FAT3: variants seen among roughly 807,000 people sequenced by gnomAD.
The protein encoded by FAT3 is FAT atypical cadherin 3, also known as protocadherin Fat 3.
Under a neutral mutation model 310.2 loss-of-function variants are expected in FAT3, and 95 were observed. The ratio of observed to expected loss-of-function variants is 0.31; its 90% CI spans 0.26 to 0.36. The LOEUF is 0.36. FAT3 is among the 10% of genes least tolerant of loss of function. The pLI is 1.00. For missense variants in FAT3, 5,408 were observed against 5,715.6 expected, an observed-to-expected ratio of 0.95 and a Z score of 1.74; for synonymous variants, 2,314 against 2,192.9, an observed-to-expected ratio of 1.06 and a Z score of -1.54.
At chr11:92,286,121 C>T (rs1346227581) in intron 1 of FAT3, among the ~76,000 whole-genome samples, 2 of 152,144 alleles carry the variant, frequency 1.3e-5, no homozygotes, top group Non-Finnish European at 2.9e-5. Flanking sequence ...GATCAGAAGA[C>T]AGTTCCTAAT....
At chr11:92,572,658 G>A (rs1337498819) in intron 3 of FAT3, among the ~76,000 whole-genome samples, 1 of 152,190 alleles carries the variant, frequency 6.6e-6, no homozygotes, top group Non-Finnish European at 1.5e-5. Flanking sequence ...TAAAATGACT[G>A]TGTACATTGA....
intron 4 of FAT3, among the ~76,000 whole-genome samples, chr11:92,710,881 G>A (rs187423642): frequency 6.6e-6 from 1 of 152,222 alleles, no homozygotes; most frequent in East Asian, 1.9e-4. Context: ...TACACACCTA[G>A]GTGAAAGGGA....
rs1400619342 is a variant in FAT3 at position 92,350,039 on chromosome 11, AG to A, written c.-17-2056del. Among the ~76,000 whole-genome samples the A allele has an allele frequency of 2.0e-5, 3 of 151,818 alleles. No individual in the cohort carries two copies. In the East Asian group the frequency reaches 5.8e-4, roughly 29 times the overall value. ...GGAGAGAGCCTGAGCTCTAATCTAG[AG>A]TCTGCTAGACTCTATCAATGACTAT... is the stretch of plus-strand genomic sequence containing the variant. On this transcript the variant is annotated intron_variant, in intron 1 of 27. Coordinates refer to ENST00000525166, the MANE Select transcript of FAT3 (RefSeq NM_001367949.2).
intron 3 of FAT3, among the ~76,000 whole-genome samples, chr11:92,555,961 C>T (rs550506144): frequency 6.0e-4 from 91 of 152,266 alleles, no homozygotes; most frequent in Middle Eastern, 3.4e-3. Flanking sequence ...TTAACAGCCT[C>T]GGTCTGCTCG....
At chr11:92,826,519 G>A (rs1173892621) in intron 13 of FAT3, among the ~76,000 whole-genome samples, 1 of 152,160 alleles carries the variant, frequency 6.6e-6, no homozygotes, top group Non-Finnish European at 1.5e-5. Context: ...TCTTGATGAG[G>A]GCAGTGGATC....
At chr11:92,570,168 G>A (rs138085247) in intron 3 of FAT3, among the ~76,000 whole-genome samples, 1 of 152,132 alleles carries the variant, frequency 6.6e-6, no homozygotes, top group African/African-American at 2.4e-5. Context: ...AACTATAATT[G>A]ATTTAAGTTG....
intron 3 of FAT3, among the ~76,000 whole-genome samples, chr11:92,577,895 G>A (rs535483744): frequency 1.3e-5 from 2 of 152,118 alleles, no homozygotes; most frequent in African/African-American, 4.8e-5. Flanking sequence ...AAAAAAGGGA[G>A]AGAGAGATTG....
intron 3 of FAT3, among the ~76,000 whole-genome samples, chr11:92,609,495 T>G (rs1279220093): frequency 6.6e-6 from 1 of 152,216 alleles, no homozygotes; most frequent in Non-Finnish European, 1.5e-5. Context: ...AATTTGAATT[T>G]GGATTCAGTT....
intron 1 of FAT3, among the ~76,000 whole-genome samples, chr11:92,230,296 GTTAT>G (rs952479589): frequency 6.6e-6 from 1 of 151,568 alleles, no homozygotes. Context: ...TTTTATTTTT[GTTAT>G]TTATTTATTT....
Position 92,757,098 on chromosome 11 carries a change from A to G in FAT3, c.3670-4758A>G, listed in dbSNP as rs1018082943. Among the ~76,000 whole-genome samples, 8 of 151,500 alleles carry G rather than the reference A, an allele frequency of 5.3e-5. No homozygotes were observed. In the East Asian group the frequency reaches 1.4e-3, roughly 26 times the overall value. On this transcript the variant is annotated intron_variant, in intron 4 of 27. Coordinates refer to ENST00000525166, the MANE Select transcript of FAT3 (RefSeq NM_001367949.2). Reference sequence around the variant, plus strand: ...TGCCACCATGCCCAGCTAATTTTGCACTTTTAGTAGAGACAGGGTTTCTCC... The same window carrying G: ...TGCCACCATGCCCAGCTAATTTTGCGCTTTTAGTAGAGACAGGGTTTCTCC...
intron 2 of FAT3, among the ~76,000 whole-genome samples, chr11:92,471,921 A>C (rs1286550828): frequency 1.2e-4 from 1 of 8,624 alleles, no homozygotes; most frequent in Non-Finnish European, 4.0e-4. Flanking sequence ...TATGCTATAT[A>C]TATATATATA....
At chr11:92,616,334 C>G (rs889094882) in intron 3 of FAT3, among the ~76,000 whole-genome samples, 8 of 151,220 alleles carry the variant, frequency 5.3e-5, no homozygotes. Context: ...TTGCTTGGTA[C>G]ATCTTCCTCC....
At chr11:92,740,583 TA>T (rs906851808) in intron 4 of FAT3, among the ~76,000 whole-genome samples, 5 of 152,192 alleles carry the variant, frequency 3.3e-5, no homozygotes, top group African/African-American at 9.6e-5. Flanking sequence ...TTTTAGGCTT[TA>T]AAAAAAATTC....
chr11:92,444,277 C>T (rs1951157320), intron 2 of FAT3, among the ~76,000 whole-genome samples: 1 of 152,114 alleles, frequency 6.6e-6, no homozygotes, highest in Non-Finnish European at 1.5e-5. Context: ...AATCCAGTTA[C>T]CCAGTTAATC....
At chr11:92,333,685 A>T (rs1185556923) in intron 1 of FAT3, among the ~76,000 whole-genome samples, 2 of 152,158 alleles carry the variant, frequency 1.3e-5, no homozygotes, top group Non-Finnish European at 2.9e-5. Flanking sequence ...TGTTCAAATT[A>T]TCATTCTCTC....
At chr11:92,260,257 C>A (rs934298438) in intron 1 of FAT3, among the ~76,000 whole-genome samples, 1 of 151,756 alleles carries the variant, frequency 6.6e-6, no homozygotes, top group Non-Finnish European at 1.5e-5. Context: ...AGTGTACAAG[C>A]GTGTGTGTGT....
chr11:92,271,291 A>C (rs534322088), intron 1 of FAT3, among the ~76,000 whole-genome samples: 1 of 152,022 alleles, frequency 6.6e-6, no homozygotes, highest in African/African-American at 2.4e-5. Flanking sequence ...TCTGGGCCAC[A>C]CTGGCCTTCC....
chr11:92,727,880 C>A (rs1334901974), intron 4 of FAT3, among the ~76,000 whole-genome samples: 1 of 152,240 alleles, frequency 6.6e-6, no homozygotes, highest in East Asian at 1.9e-4. Flanking sequence ...GCCACTGAGG[C>A]TGGCCTCCCC....
intron 3 of FAT3, among the ~76,000 whole-genome samples, chr11:92,600,615 G>T (rs1939969820): frequency 6.6e-6 from 1 of 152,138 alleles, no homozygotes. Flanking sequence ...TATTTGCCAG[G>T]ATGTGTTGTA....
Sources: allele counts gnomAD v4.1 joint callset (sites outside exome capture counted in the v4.1 genomes callset), GRCh38; gene constraint gnomAD v4.1.1; transcripts MANE v1.5; gene names NCBI Gene and HGNC (gene_info 2026-07-23, HGNC 2026-07-21).